The following NUP155 variants were observed in gnomAD, a reference collection of about 807,000 sequenced individuals.
NUP155 encodes the protein nuclear pore complex protein Nup155.
NUP155 carries 71 observed loss-of-function variants against 180.4 expected under a neutral mutation model. The ratio of observed to expected loss-of-function variants is 0.39; its 90% CI spans 0.33 to 0.48. NUP155 has a LOEUF of 0.48. Ranked by LOEUF, NUP155 falls within the 20% of genes least tolerant of loss-of-function variation. The probability of loss-of-function intolerance (pLI) is 0.91; values close to 1 mark genes in which losing one functional copy is unlikely to be tolerated. For synonymous variants in NUP155, 582 were observed against 559.5 expected (o/e 1.04, Z -0.57); for missense variants, 1,553 against 1,648.9 (o/e 0.94, Z 1.01).
rs1482374823 is a variant in NUP155 at position 37,358,283 on chromosome 5, AG to A, written c.393-133del. 5.6e-6 allele frequency: 4 copies of A among 713,194 alleles called. No individual in the cohort carries two copies. The African/African-American group carries it at 7.0e-5, about 12-fold the overall frequency. The allele number at this position is 713,194 out of a possible 1,614,324, so 44.2% of individuals were successfully genotyped here. A position where few individuals can be genotyped will look rare whatever the true frequency, so the allele number is the denominator to read the frequency against. On this transcript the variant is annotated intron_variant, in intron 3 of 34. Coordinates refer to ENST00000231498, the MANE Select transcript of NUP155 (RefSeq NM_153485.3). ...TGCCTGAGCCCAGAAGTTCAAGACC[AG>A]CCTGGGCAACATAGTGAGACTGTCT...
intron 9 of NUP155, 38 bp from the exon 10 acceptor site, chr5:37,342,684 G>A (rs1483678609): frequency 1.6e-6 from 2 of 1,229,368 alleles, no homozygotes; most frequent in South Asian, 1.2e-5. Context: ...TTTTTAAAAT[G>A]TGTCTGCTAA....
chr5:37,302,314 C>A (rs180974396), intron 29 of NUP155, among the ~76,000 whole-genome samples: 315 of 152,300 alleles, frequency 2.1e-3, no homozygotes, highest in African/African-American at 7.0e-3. Flanking sequence ...CTCACTGCAA[C>A]CTCCGCTTCC....
intron 20 of NUP155, among the ~76,000 whole-genome samples, chr5:37,318,985 T>TA (rs1378619769): frequency 6.6e-6 from 1 of 152,174 alleles, no homozygotes. Flanking sequence ...TCTATGATCT[T>TA]AAAATCCCAC....
chr5:37,294,551 A>AG, intron 32 of NUP155, 86 bp from the exon 33 acceptor site: 1 of 1,316,550 alleles, frequency 7.6e-7, no homozygotes, highest in East Asian at 2.4e-5. Flanking sequence ...AATAGTTTCT[A>AG]GGGGGATATC....
Position 37,333,550 on chromosome 5 carries a change from G to A in NUP155, c.1431C>T (p.Asn477=), listed in dbSNP as rs759624293. 1.2e-6 allele frequency: 2 copies of A among 1,613,552 alleles called. No individual in the cohort carries two copies. ...AATCAGTTATTGGAATATGATCCTT[G>A]TTTAAAGGTGTAATTATTTTATCTA... ...LKVDKIITPL[N]KDHIPITDSP... is the part of the protein sequence containing the mutation. The change falls in exon 13 of 35, where the codon AAC becomes AAT. Residue 477 remains asparagine, a synonymous_variant. Transcript: ENST00000231498.
chr5:37,293,291 G>A, intron 33 of NUP155: 2 of 284,526 alleles, frequency 7.0e-6, no homozygotes, highest in Non-Finnish European at 1.3e-5. Flanking sequence ...TCTTTCTATG[G>A]GTTGTGACAC....
At chr5:37,327,832 T>A in intron 17 of NUP155, 56 bp from the exon 18 acceptor site, 2 of 1,574,316 alleles carry the variant, frequency 1.3e-6, no homozygotes, top group Middle Eastern at 3.4e-4. Flanking sequence ...AACCCATAAA[T>A]CTCTTAATCT....
intron 9 of NUP155, among the ~76,000 whole-genome samples, chr5:37,345,350 T>TA (rs1746007874): frequency 6.6e-6 from 1 of 151,082 alleles, no homozygotes. Flanking sequence ...GTACCAAAAA[T>TA]ACAAAAAATT....
At chr5:37,359,728 G>C (rs1264791158) in intron 3 of NUP155, among the ~76,000 whole-genome samples, 1 of 152,052 alleles carries the variant, frequency 6.6e-6, no homozygotes, top group Non-Finnish European at 1.5e-5. Context: ...AAAAACCCCA[G>C]TGTCAAGAAA....
intron 23 of NUP155, among the ~76,000 whole-genome samples, chr5:37,310,022 AAG>A (rs1220659707): frequency 1.3e-5 from 2 of 152,016 alleles, no homozygotes; most frequent in Non-Finnish European, 2.9e-5. Flanking sequence ...CTTAAAAAAA[AAG>A]AGAGAATATT....
intron 24 of NUP155, 124 bp downstream of exon 24, chr5:37,309,005 C>T (rs1743355929): frequency 3.3e-6 from 3 of 922,266 alleles, no homozygotes; most frequent in Admixed American, 2.0e-5. Flanking sequence ...TTTCACTCGG[C>T]CTCTGATGCT....
rs1744585894 is a variant in NUP155, at chr5:37,326,105, T to C, written c.2025-138A>G. 8 of 667,936 alleles carry C rather than the reference T, an allele frequency of 1.2e-5. No individual in the cohort carries two copies. The East Asian group carries it at 2.1e-4, about 18-fold the overall frequency. The allele number at this position is 667,936 out of a possible 1,614,324, so 41.4% of individuals were successfully genotyped here. A position where few individuals can be genotyped will look rare whatever the true frequency, so the allele number is the denominator to read the frequency against. ...TTTCATTTAACATTTTACTAAGCTA[T>C]CTAGAAGAGTGGAATACTAGAAAAT... On this transcript the variant is annotated intron_variant, in intron 18 of 34. Transcript: ENST00000231498.
intron 3 of NUP155, among the ~76,000 whole-genome samples, chr5:37,359,776 A>C (rs946191986): frequency 6.6e-6 from 1 of 152,338 alleles, no homozygotes; most frequent in East Asian, 1.9e-4. Flanking sequence ...CTATGAATCC[A>C]AACTATCAGA....
chr5:37,298,826 C>G (rs1272578911), intron 32 of NUP155, 42 bp downstream of exon 32: 1 of 1,024,366 alleles, frequency 9.8e-7, no homozygotes, highest in Admixed American at 1.7e-5. Context: ...AGAAAACCAT[C>G]AGAACAGAAA....
At chr5:37,344,964 T>C (rs991886440) in intron 9 of NUP155, among the ~76,000 whole-genome samples, 2 of 151,492 alleles carry the variant, frequency 1.3e-5, no homozygotes, top group African/African-American at 4.8e-5. Flanking sequence ...AGACACGTCA[T>C]TTGAGCCCAG....
rs1245498916 is a variant in NUP155, at chr5:37,333,447, C to T, written c.1518+16G>A. Reference sequence around the variant, plus strand: ...TCGCTTATTTTTGTCACTACCATAACAGAATACGTACACACCTGTGCTGAG... The same window carrying T: ...TCGCTTATTTTTGTCACTACCATAATAGAATACGTACACACCTGTGCTGAG... On this transcript the variant is annotated intron_variant, in intron 13 of 34. Transcript: ENST00000231498. 6 of 1,611,284 alleles carry T rather than the reference C, an allele frequency of 3.7e-6. No homozygotes were observed. In the South Asian group the frequency reaches 5.5e-5, roughly 15 times the overall value.
chr5:37,355,562 T>TA lies in NUP155; in HGVS notation c.463+2518_463+2519insT, dbSNP rs1491308961. Among the ~76,000 whole-genome samples the TA allele has an allele frequency of 1.6e-4, 22 of 136,280 alleles. No individual in the cohort carries two copies. In the East Asian group the frequency reaches 2.9e-3, roughly 18 times the overall value. 89.4% of individuals were successfully genotyped at this position (136,280 alleles called of 152,430 possible). On this transcript the variant is annotated intron_variant, in intron 4 of 34. Transcript: ENST00000231498. Reference sequence around the variant, plus strand: ...GTGTGTGTGTGTATATATATATATATTTATTTATTTGTTTGTTTGTTTGTT... The same window carrying TA: ...GTGTGTGTGTGTATATATATATATATATTATTTATTTGTTTGTTTGTTTGTT...
intron 13 of NUP155, among the ~76,000 whole-genome samples, chr5:37,332,264 T>C (rs1432248735): frequency 7.2e-6 from 1 of 138,308 alleles, no homozygotes; most frequent in Non-Finnish European, 1.6e-5. Flanking sequence ...AATAAAACTA[T>C]CATAATATTA....
intron 23 of NUP155, 167 bp from the exon 24 acceptor site, chr5:37,309,434 CAA>C: frequency 1.6e-6 from 1 of 617,834 alleles, no homozygotes; most frequent in East Asian, 2.9e-5. Context: ...AGTTTTTGAC[CAA>C]AGATTCCTAG....
Sources: allele counts gnomAD v4.1 joint callset (sites outside exome capture counted in the v4.1 genomes callset), GRCh38; gene constraint gnomAD v4.1.1; transcripts MANE v1.5; gene names NCBI Gene and HGNC (gene_info 2026-07-23, HGNC 2026-07-21).